The following CD99 variants were observed in gnomAD, a reference collection of about 807,000 sequenced individuals.
CD99 encodes the protein CD99 molecule (Xg blood group).
CD99 carries 19 observed loss-of-function variants against 28.4 expected under a neutral mutation model. That is an observed-to-expected ratio of 0.67 (90% confidence interval 0.47 to 0.98). CD99 has a LOEUF of 0.98. Among genes scored for constraint, CD99 ranks in the 50% least tolerant of loss-of-function variants. The pLI, the probability that CD99 is intolerant of heterozygous loss-of-function variation, is 0.00. For missense variants in CD99, 283 were observed against 248.8 expected (o/e 1.14, Z -0.92); for synonymous variants, 103 against 92.1 (o/e 1.12, Z -0.67).
At chrX:2,737,903 C>G (rs1350699322) in intron 8 of CD99, 1 of 594,816 alleles carries the variant, frequency 1.7e-6, no homozygotes, top group South Asian at 1.9e-5. Context: ...TGTGCGTGTT[C>G]CTCAGTGTTT....
chrX:2,691,734 A>G, intron 1 of CD99: 1 of 723,118 alleles, frequency 1.4e-6, no homozygotes, highest in Non-Finnish European at 2.6e-6. Flanking sequence ...ACCTTCTTAC[A>G]GATCTCTCTC....
chrX:2,740,047 G>A (rs1402879025), intron 9 of CD99, among the ~76,000 whole-genome samples: 1 of 151,808 alleles, frequency 6.6e-6, no homozygotes, highest in Non-Finnish European at 1.5e-5. Context: ...AGCCAAGATT[G>A]CGCCATTGCA....
chrX:2,701,405 C>T (rs947284125), intron 1 of CD99, among the ~76,000 whole-genome samples: 9 of 152,212 alleles, frequency 5.9e-5, no homozygotes, highest in Non-Finnish European at 1.3e-4. Flanking sequence ...GAGGTAACAA[C>T]CAGGGCATCA....
chrX:2,723,504 G>A, intron 7 of CD99, 140 bp downstream of exon 7: 1 of 917,972 alleles, frequency 1.1e-6, no homozygotes, highest in South Asian at 1.4e-5. Context: ...TCTGTGCCAA[G>A]TGCTCCCAAG....
chrX:2,740,682 G>A, intron 9 of CD99, 97 bp from the exon 10 acceptor site: 2 of 1,267,168 alleles, frequency 1.6e-6, no homozygotes, highest in Non-Finnish European at 2.2e-6. Context: ...TTCTTATGCA[G>A]AAATAAAACC....
At chrX:2,721,990 T>G (rs2049014384) in intron 5 of CD99, among the ~76,000 whole-genome samples, 1 of 152,154 alleles carries the variant, frequency 6.6e-6, no homozygotes, top group South Asian at 2.1e-4. Flanking sequence ...TTTTACCAAT[T>G]TATTTTGATG....
chrX:2,707,595 G>A (rs1462879763), intron 1 of CD99, among the ~76,000 whole-genome samples: 5 of 152,158 alleles, frequency 3.3e-5, no homozygotes, highest in East Asian at 1.9e-4. Context: ...TCTGTCGTCC[G>A]TTCCGCCTTG....
At chrX:2,732,224 C>T (rs1468520078) in intron 8 of CD99, among the ~76,000 whole-genome samples, 1 of 152,058 alleles carries the variant, frequency 6.6e-6, no homozygotes, top group Non-Finnish European at 1.5e-5. Flanking sequence ...GACTTCGCAT[C>T]TGGGTGTGTT....
intron 2 of CD99, chrX:2,717,363 A>AAC: frequency 2.0e-6 from 1 of 491,278 alleles, no homozygotes; most frequent in Admixed American, 3.5e-5. Flanking sequence ...AAAAAAAAAA[A>AAC]GAAGTGGAGA....
intron 8 of CD99, 24 bp from the exon 9 acceptor site, chrX:2,738,176 T>G: frequency 6.2e-7 from 1 of 1,609,120 alleles, no homozygotes; most frequent in Non-Finnish European, 8.5e-7. Flanking sequence ...TGAGCCTCTC[T>G]GTGTATTTTC....
At chrX:2,717,858 G>A in intron 3 of CD99, 1 of 566,286 alleles carries the variant, frequency 1.8e-6, no homozygotes, top group South Asian at 2.4e-5. Context: ...GATGTGAAAT[G>A]TTTCGGGGCC....
chrX:2,691,513 G>A, intron 1 of CD99, 86 bp downstream of exon 1: 1 of 1,413,006 alleles, frequency 7.1e-7, no homozygotes, highest in Non-Finnish European at 9.6e-7. Context: ...CGTTGGGGGC[G>A]CCCCGCGGGG....
intron 1 of CD99, among the ~76,000 whole-genome samples, chrX:2,702,380 A>T (rs2047901373): frequency 6.6e-6 from 1 of 151,940 alleles, no homozygotes; most frequent in African/African-American, 2.4e-5. Context: ...AACCAAATTC[A>T]CAAGATGCTG....
At chrX:2,698,163 C>G (rs1450268631) in intron 1 of CD99, among the ~76,000 whole-genome samples, 1 of 151,374 alleles carries the variant, frequency 6.6e-6, no homozygotes, top group Non-Finnish European at 1.5e-5. Flanking sequence ...CAGTGGCTTG[C>G]AATCTTTTTT....
At chrX:2,736,861 AAAT>A (rs904289892) in intron 8 of CD99, among the ~76,000 whole-genome samples, 3 of 149,728 alleles carry the variant, frequency 2.0e-5, no homozygotes, top group Admixed American at 1.3e-4. Flanking sequence ...TGTCTCAAAG[AAAT>A]AATAATAATA....
intron 1 of CD99, among the ~76,000 whole-genome samples, chrX:2,700,370 TATGCATCC>T (rs1464228451): frequency 6.6e-6 from 1 of 152,090 alleles, no homozygotes; most frequent in African/African-American, 2.4e-5. Flanking sequence ...TCCATCCATT[TATGCATCC>T]ATGCATCCAT....
At chrX:2,732,317 A>G (rs1358571649) in intron 8 of CD99, among the ~76,000 whole-genome samples, 2 of 152,132 alleles carry the variant, frequency 1.3e-5, no homozygotes, top group Non-Finnish European at 2.9e-5. Flanking sequence ...GTGGCTGGCA[A>G]GGGGTGTTCA....
chrX:2,691,745 C>T (rs774676669), intron 1 of CD99: 235 of 736,568 alleles, frequency 3.2e-4, no homozygotes, highest in Non-Finnish European at 4.0e-4. Context: ...GATCTCTCTC[C>T]CTTTGCATGA....
intron 7 of CD99, among the ~76,000 whole-genome samples, chrX:2,725,822 A>G (rs2049250825): frequency 6.6e-6 from 1 of 152,188 alleles, no homozygotes; most frequent in Admixed American, 6.5e-5. Flanking sequence ...CATGTTGACC[A>G]GGCTGGTCTC....
Sources: gnomAD v4.1 joint callset for allele counts (sites outside exome capture counted in the v4.1 genomes callset) on GRCh38, gnomAD v4.1.1 for gene constraint, MANE v1.5 for transcripts, NCBI Gene and HGNC (gene_info 2026-07-23, HGNC 2026-07-21) for gene names.